DNM3: variants seen among roughly 807,000 people sequenced by gnomAD.
The protein encoded by DNM3 is dynamin 3, also known as dynamin-3.
Under a neutral mutation model 101.6 loss-of-function variants are expected in DNM3, and 47 were observed. The ratio of observed to expected loss-of-function variants is 0.46; its 90% CI spans 0.37 to 0.59. The LOEUF is 0.59. Ranked by LOEUF, DNM3 falls within the 20% of genes least tolerant of loss-of-function variation. The pLI is 0.00. For synonymous variants in DNM3, 385 were observed against 387.9 expected, an observed-to-expected ratio of 0.99 and a Z score of 0.09; for missense variants, 849 against 1,085.7, an observed-to-expected ratio of 0.78 and a Z score of 3.06.
In DNM3 at chr1:172,334,548, A is replaced by T. The variant is rs994575158; in HGVS notation, c.1893+11208A>T. Among the ~76,000 whole-genome samples, 27 of 152,202 alleles carry T rather than the reference A, an allele frequency of 1.8e-4. 1 individual carries two copies. The highest frequency in any genetic ancestry group is 1.6e-3 in the Admixed American group (25 of 15,270). On this transcript the variant is annotated intron_variant, in intron 17 of 20. Coordinates refer to ENST00000627582, the MANE Select transcript of DNM3 (RefSeq NM_015569.5). ...ATACAAGATACTCCTATACCCAAAC[A>T]GCCTATGAAGATTTGGACCTGTGTC... is the stretch of plus-strand genomic sequence containing the variant.
At chr1:172,206,148 C>A (rs550514204) in intron 14 of DNM3, among the ~76,000 whole-genome samples, 1 of 152,130 alleles carries the variant, frequency 6.6e-6, no homozygotes, top group Admixed American at 6.6e-5. Context: ...ACAAGTTTTG[C>A]AAAATTCGAA....
At chr1:171,960,904 A>G (rs1190238196) in intron 2 of DNM3, among the ~76,000 whole-genome samples, 1 of 152,068 alleles carries the variant, frequency 6.6e-6, no homozygotes, top group Non-Finnish European at 1.5e-5. Flanking sequence ...TTTTTCTTAG[A>G]GATAAGTTCT....
At chr1:172,300,298 G>T (rs1475102312) in intron 15 of DNM3, among the ~76,000 whole-genome samples, 1 of 151,980 alleles carries the variant, frequency 6.6e-6, no homozygotes, top group Non-Finnish European at 1.5e-5. Context: ...ACCTTTGTTT[G>T]ATGCATAATT....
chr1:172,255,143 G>A lies in DNM3; in HGVS notation c.1769+1461G>A, dbSNP rs1206659747. Among the ~76,000 whole-genome samples the A allele has an allele frequency of 2.6e-5, 4 of 152,012 alleles. No homozygotes were observed. The South Asian group carries it at 6.2e-4, about 24-fold the overall frequency. On this transcript the variant is annotated intron_variant, in intron 15 of 20. Coordinates refer to ENST00000627582, the MANE Select transcript of DNM3 (RefSeq NM_015569.5). ...CACAAAGCAAGCCATTTAAAGAATC[G>A]ACAGGAAAGAAAATTAAGTACAACT...
At chr1:171,850,743 A>G (rs1013512116) in intron 1 of DNM3, among the ~76,000 whole-genome samples, 1 of 151,976 alleles carries the variant, frequency 6.6e-6, no homozygotes, top group Non-Finnish European at 1.5e-5. Context: ...GTACTTTGAA[A>G]GTTACATATT....
At chr1:172,245,530 G>A (rs1282512088) in intron 14 of DNM3, among the ~76,000 whole-genome samples, 1 of 152,216 alleles carries the variant, frequency 6.6e-6, no homozygotes, top group Non-Finnish European at 1.5e-5. Flanking sequence ...AGCACCACAG[G>A]CTTGACTGAG....
chr1:172,002,633 C>G (rs957635662), intron 4 of DNM3, among the ~76,000 whole-genome samples: 1 of 151,882 alleles, frequency 6.6e-6, no homozygotes, highest in Admixed American at 6.6e-5. Flanking sequence ...AATATGACAA[C>G]AAACACATTA....
intron 4 of DNM3, among the ~76,000 whole-genome samples, chr1:172,021,185 C>T (rs1362801515): frequency 2.0e-5 from 3 of 152,202 alleles, no homozygotes; most frequent in African/African-American, 7.2e-5. Context: ...ATAAAGGAAG[C>T]CTTGGCTGGG....
chr1:171,881,705 G>A (rs569155975), intron 1 of DNM3, among the ~76,000 whole-genome samples: 11 of 152,332 alleles, frequency 7.2e-5, no homozygotes, highest in African/African-American at 2.6e-4. Flanking sequence ...CTAACACCCA[G>A]AGTGTCTGAC....
At chr1:172,090,864 G>A (rs2053860031) in intron 12 of DNM3, among the ~76,000 whole-genome samples, 1 of 152,172 alleles carries the variant, frequency 6.6e-6, no homozygotes, top group South Asian at 2.1e-4. Context: ...GAGAGCTTTA[G>A]TCTCCCTTTT....
At chr1:172,053,600 T>A (rs1405857076) in intron 10 of DNM3, among the ~76,000 whole-genome samples, 1 of 152,146 alleles carries the variant, frequency 6.6e-6, no homozygotes, top group Non-Finnish European at 1.5e-5. Context: ...AGTGACCAAC[T>A]CCACATAGGG....
In DNM3 at chr1:171,944,854, C is replaced by CTTTTTTTTTTTTTT. The variant is rs1491537348; in HGVS notation, c.235+23033_235+23034insTTTTTTTTTTTTTT. On this transcript the variant is annotated intron_variant, in intron 2 of 20. Transcript: ENST00000627582. ...TTTGTTTTCTTTTTTTTTGGTGTTT[C>CTTTTTTTTTTTTTT]CTTTTTTTTTTTTTTTTTTTTTTTT... 2.1e-4 allele frequency among the ~76,000 whole-genome samples: 8 copies of CTTTTTTTTTTTTTT among 37,586 alleles called. 4 individuals carry two copies. The highest frequency in any genetic ancestry group is 2.1e-4 in the Non-Finnish European group (4 of 18,628). 24.7% of individuals were successfully genotyped at this position (37,586 alleles called of 152,430 possible). A position where few individuals can be genotyped will look rare whatever the true frequency, so the allele number is the denominator to read the frequency against.
intron 11 of DNM3, among the ~76,000 whole-genome samples, chr1:172,078,366 A>G (rs1243355794): frequency 1.3e-5 from 2 of 151,946 alleles, no homozygotes; most frequent in Non-Finnish European, 2.9e-5. Flanking sequence ...TGCTGGGATT[A>G]CAGGCATGAG....
Position 172,242,620 on chromosome 1 carries a change from T to A in DNM3, c.1660-10953T>A, listed in dbSNP as rs561986040. ...CATGTGGCTAGTTTTTTAAAAAAAA[T>A]TTTGGAGAGACATGGTCTCACTATC... On this transcript the variant is annotated intron_variant, in intron 14 of 20. Coordinates refer to ENST00000627582, the MANE Select transcript of DNM3 (RefSeq NM_015569.5). Among the ~76,000 whole-genome samples, 5 of 152,222 alleles carry A rather than the reference T, an allele frequency of 3.3e-5. No individual in the cohort carries two copies. In the South Asian group the frequency reaches 1.0e-3, roughly 32 times the overall value.
In DNM3 at chr1:172,387,301, A is replaced by G; in HGVS notation, c.2227A>G (p.Thr743Ala). Residue 743 changes from threonine (T) to alanine (A), a missense_variant, in exon 19 of 21, where the codon ACC becomes GCC. Physicochemically the swap from Thr to Ala is moderately conservative, Grantham distance 58 (BLOSUM62 0). Transcript: ENST00000627582. ...GATAATTGGGGACATCAGCACAGCC[A>G]CCGTGTCCACTCCGGCACCCCCTCC... is the stretch of plus-strand genomic sequence containing the variant. ...LGIIGDISTA[T>A]VSTPAPPPVD... 2 of 1,613,880 alleles carry G rather than the reference A, an allele frequency of 1.2e-6. No individual in the cohort carries two copies. The highest frequency in any genetic ancestry group is 1.3e-5 in the African/African-American group (1 of 75,024).
chr1:172,414,125 C>G (rs9425308), downstream of DNM3, among the ~76,000 whole-genome samples: 1 of 151,972 alleles, frequency 6.6e-6, no homozygotes, highest in South Asian at 2.1e-4. Flanking sequence ...TCTGATGGGA[C>G]CTTTAAATTT....
intron 10 of DNM3, among the ~76,000 whole-genome samples, chr1:172,058,438 G>C (rs1352409556): frequency 1.0e-4 from 15 of 150,062 alleles, no homozygotes; most frequent in East Asian, 6.0e-4. Context: ...TGACCACATA[G>C]TTGGAAGTAA....
chr1:172,380,180 C>T lies in DNM3; in HGVS notation c.2058+998C>T, dbSNP rs12138961. On this transcript the variant is annotated intron_variant, in intron 18 of 20. Transcript: ENST00000627582. ...AGTCTCTTTCATGTGTCTGTTTCCTCCATATGTAAAATACTAATTGTAGTA... is the reference window on the plus strand; with the variant it reads ...AGTCTCTTTCATGTGTCTGTTTCCTTCATATGTAAAATACTAATTGTAGTA... Among the ~76,000 whole-genome samples, 1,074 of 152,052 alleles carry T rather than the reference C, an allele frequency of 7.1e-3. 7 individuals carry two copies. Among genetic ancestry groups the T allele is most frequent in the Middle Eastern group, 0.017 (5 of 294 alleles).
chr1:172,304,040 A>T (rs1313373764), intron 15 of DNM3, among the ~76,000 whole-genome samples: 1 of 151,792 alleles, frequency 6.6e-6, no homozygotes, highest in African/African-American at 2.4e-5. Flanking sequence ...TATTAACCTT[A>T]AATGTAAATG....
Sources: allele counts gnomAD v4.1 joint callset (sites outside exome capture counted in the v4.1 genomes callset), GRCh38; gene constraint gnomAD v4.1.1; transcripts MANE v1.5; gene names NCBI Gene and HGNC (gene_info 2026-07-23, HGNC 2026-07-21).